Variants in GALNTL6 observed in about 807,000 individuals in gnomAD.
GALNTL6 encodes polypeptide N-acetylgalactosaminyltransferase like 6.
In GALNTL6, 46 loss-of-function variants were observed where a neutral mutation model predicts 73.7. The ratio of observed to expected loss-of-function variants is 0.62; its 90% CI spans 0.49 to 0.80. GALNTL6 has a LOEUF of 0.80. Ranked by LOEUF, GALNTL6 falls within the 30% of genes least tolerant of loss-of-function variation. GALNTL6 has a pLI of 0.00. For synonymous variants in GALNTL6, 259 were observed against 263.7 expected (o/e 0.98, Z 0.17); for missense variants, 604 against 755.0 (o/e 0.80, Z 2.34).
intron 3 of GALNTL6, among the ~76,000 whole-genome samples, chr4:172,254,973 A>G (rs1196286394): frequency 1.3e-5 from 2 of 151,712 alleles, no homozygotes; most frequent in African/African-American, 4.8e-5. Context: ...AATTATAACT[A>G]AAATGGATGG....
At chr4:172,133,053 G>C (rs916474333) in intron 2 of GALNTL6, among the ~76,000 whole-genome samples, 30 of 152,188 alleles carry the variant, frequency 2.0e-4, no homozygotes, top group Admixed American at 1.1e-3. Flanking sequence ...TGACTTAACT[G>C]AGAAATGCAC....
chr4:171,876,284 A>T (rs1314356583), intron 2 of GALNTL6, among the ~76,000 whole-genome samples: 2 of 152,198 alleles, frequency 1.3e-5, no homozygotes, highest in African/African-American at 2.4e-5. Context: ...TTGCGTACCA[A>T]TTCTTAATTA....
chr4:172,336,540 G>T (rs923219670), intron 4 of GALNTL6, among the ~76,000 whole-genome samples: 11 of 151,570 alleles, frequency 7.3e-5, no homozygotes, highest in African/African-American at 2.2e-4. Flanking sequence ...CTCCCAAAGT[G>T]CTGGGATTAC....
At chr4:172,952,382 T>C (rs2126347575) in intron 10 of GALNTL6, 124 bp downstream of exon 10, 1 of 643,560 alleles carries the variant, frequency 1.6e-6, no homozygotes, top group East Asian at 2.8e-5. Flanking sequence ...AGCATTCATT[T>C]AAATCATCTC....
At chr4:172,435,136 T>G (rs193295266) in intron 5 of GALNTL6, among the ~76,000 whole-genome samples, 1 of 152,240 alleles carries the variant, frequency 6.6e-6, no homozygotes, top group Admixed American at 6.6e-5. Flanking sequence ...TATAATAGGT[T>G]CCTTATTGAA....
chr4:172,528,452 G>A (rs1735046536), intron 5 of GALNTL6, among the ~76,000 whole-genome samples: 1 of 149,874 alleles, frequency 6.7e-6, no homozygotes, highest in African/African-American at 2.5e-5. Context: ...CTGCCTCCCA[G>A]GTTCAAGTGA....
At chr4:172,712,537 A>G (rs1366043990) in intron 5 of GALNTL6, among the ~76,000 whole-genome samples, 1 of 152,180 alleles carries the variant, frequency 6.6e-6, no homozygotes, top group African/African-American at 2.4e-5. Flanking sequence ...TGAAGAAAAA[A>G]TAATGGAAAC....
chr4:172,223,537 A>G (rs1039957084), intron 2 of GALNTL6, among the ~76,000 whole-genome samples: 25 of 152,184 alleles, frequency 1.6e-4, no homozygotes, highest in African/African-American at 4.6e-4. Context: ...AGACCTGTGT[A>G]TTAATTTTTT....
At chr4:172,629,672 A>G (rs1225272136) in intron 5 of GALNTL6, among the ~76,000 whole-genome samples, 1 of 152,228 alleles carries the variant, frequency 6.6e-6, no homozygotes, top group Admixed American at 6.5e-5. Context: ...CAATGCTATT[A>G]TGGATTATCA....
intron 5 of GALNTL6, among the ~76,000 whole-genome samples, chr4:172,487,166 G>A (rs1394197541): frequency 6.6e-6 from 1 of 151,496 alleles, no homozygotes; most frequent in Admixed American, 6.6e-5. Context: ...AAAGAACGTA[G>A]TAGAAGATAA....
intron 2 of GALNTL6, among the ~76,000 whole-genome samples, chr4:172,192,707 C>T (rs1323532577): frequency 6.6e-6 from 1 of 152,198 alleles, no homozygotes; most frequent in African/African-American, 2.4e-5. Context: ...CTCATGCCAC[C>T]AGGGCCTTGG....
rs958257201 is a variant in GALNTL6 at position 172,312,735 on chromosome 4, T to C, written c.386+983T>C. ...ATAATTGACCCTTTAGAAAAAAATA[T>C]CAGTACATTATGGTTTGAAGGACTA... is the stretch of plus-strand genomic sequence containing the variant. On this transcript the variant is annotated intron_variant, in intron 4 of 12. Transcript: ENST00000506823. Among the ~76,000 whole-genome samples the C allele has an allele frequency of 1.2e-4, 18 of 152,184 alleles. 1 individual carries two copies. The highest frequency in any genetic ancestry group is 1.5e-5 in the Non-Finnish European group (1 of 68,036).
chr4:172,538,112 T>A (rs1224846052), intron 5 of GALNTL6, among the ~76,000 whole-genome samples: 1 of 152,102 alleles, frequency 6.6e-6, no homozygotes, highest in Non-Finnish European at 1.5e-5. Flanking sequence ...GATTAAGATT[T>A]CATCATTGGC....
intron 7 of GALNTL6, among the ~76,000 whole-genome samples, chr4:172,846,522 A>G (rs1743514663): frequency 6.6e-6 from 1 of 152,064 alleles, no homozygotes; most frequent in African/African-American, 2.4e-5. Flanking sequence ...ACCCCCAAAT[A>G]GTATTATTCA....
At chr4:172,543,229 A>C (rs1735637138) in intron 5 of GALNTL6, among the ~76,000 whole-genome samples, 1 of 152,218 alleles carries the variant, frequency 6.6e-6, no homozygotes, top group African/African-American at 2.4e-5. Flanking sequence ...AACACAACCA[A>C]TTACGTGCAC....
intron 10 of GALNTL6, among the ~76,000 whole-genome samples, chr4:172,979,258 T>TAGGG (rs1750972564): frequency 1.3e-5 from 2 of 152,204 alleles, no homozygotes; most frequent in African/African-American, 4.8e-5. Context: ...AATGGAAACT[T>TAGGG]AAAGTACCCC....
intron 2 of GALNTL6, among the ~76,000 whole-genome samples, chr4:171,871,651 C>T (rs996919842): frequency 6.6e-6 from 1 of 151,504 alleles, no homozygotes; most frequent in Non-Finnish European, 1.5e-5. Context: ...TGGCTCTGTG[C>T]ATACTACCAT....
chr4:171,869,294 T>G (rs553935919), intron 2 of GALNTL6, among the ~76,000 whole-genome samples: 56 of 152,282 alleles, frequency 3.7e-4, no homozygotes, highest in Admixed American at 1.9e-3. Context: ...TAAAACAGGC[T>G]TCTTAAAATT....
intron 2 of GALNTL6, among the ~76,000 whole-genome samples, chr4:171,867,771 T>G (rs1386073892): frequency 6.6e-6 from 1 of 152,208 alleles, no homozygotes; most frequent in Non-Finnish European, 1.5e-5. Flanking sequence ...TTAAAATATA[T>G]TGATGAAATT....
Sources: allele counts gnomAD v4.1 joint callset (sites outside exome capture counted in the v4.1 genomes callset), GRCh38; gene constraint gnomAD v4.1.1; transcripts MANE v1.5; gene names NCBI Gene and HGNC (gene_info 2026-07-23, HGNC 2026-07-21).